Variants in UMAD1 observed in about 807,000 individuals in gnomAD.
UMAD1 encodes UBAP1-MVB12-associated (UMA)-domain containing protein 1.
Under a neutral mutation model 6.1 loss-of-function variants are expected in UMAD1, and 8 were observed. That is an observed-to-expected ratio of 1.30 (90% confidence interval 0.76 to 2.35). UMAD1 has a LOEUF of 2.35. Among genes scored for constraint, UMAD1 ranks in the 30% most tolerant of loss-of-function variants. UMAD1 has a pLI of 0.00. For synonymous variants in UMAD1, 56 were observed against 31.4 expected, an observed-to-expected ratio of 1.78 and a Z score of -2.61; for missense variants, 130 against 78.4, an observed-to-expected ratio of 1.66 and a Z score of -2.49.
intron 3 of UMAD1, among the ~76,000 whole-genome samples, chr7:7,817,111 G>T (rs1325021651): frequency 6.6e-6 from 1 of 152,192 alleles, no homozygotes; most frequent in Non-Finnish European, 1.5e-5. Context: ...CTTGAAGTTT[G>T]TGCAATTTCT....
chr7:7,778,265 T>A lies in UMAD1; in HGVS notation c.83-23405T>A, dbSNP rs1183708415. ...GTGTGTGTGTGTGTGTGTGTGTGTG[T>A]GTGTGTGTGTGAGAGAGAGAGAGAG... On this transcript the variant is annotated intron_variant, in intron 2 of 3. Coordinates refer to ENST00000682710, the MANE Select transcript of UMAD1 (RefSeq NM_001302348.2). 9.4e-3 allele frequency among the ~76,000 whole-genome samples: 1,022 copies of A among 109,226 alleles called. 5 individuals carry two copies. Among genetic ancestry groups the A allele is most frequent in the African/African-American group, 0.025 (810 of 31,912 alleles). 71.7% of individuals were successfully genotyped at this position (109,226 alleles called of 152,430 possible).
At chr7:7,726,904 AG>A (rs1448524842) in intron 2 of UMAD1, among the ~76,000 whole-genome samples, 6 of 152,198 alleles carry the variant, frequency 3.9e-5, no homozygotes, top group African/African-American at 1.4e-4. Context: ...AACAGAGATA[AG>A]GAAGAGTATG....
chr7:7,838,654 A>G (rs1301629084), intron 3 of UMAD1, among the ~76,000 whole-genome samples: 1 of 152,214 alleles, frequency 6.6e-6, no homozygotes, highest in East Asian at 1.9e-4. Flanking sequence ...GAATGATCAC[A>G]GTGCTATTCA....
chr7:7,770,355 A>G (rs1782076603), intron 2 of UMAD1, among the ~76,000 whole-genome samples: 1 of 152,118 alleles, frequency 6.6e-6, no homozygotes, highest in Admixed American at 6.5e-5. Flanking sequence ...TGCTCTGTTT[A>G]TCATTGACTC....
intron 2 of UMAD1, among the ~76,000 whole-genome samples, chr7:7,789,159 A>G (rs1435339186): frequency 6.6e-6 from 1 of 152,162 alleles, no homozygotes; most frequent in Admixed American, 6.5e-5. Context: ...TTCCTCTGAC[A>G]CTGGTTATTA....
chr7:7,872,730 A>G (rs1196201360), intron 3 of UMAD1, among the ~76,000 whole-genome samples: 1 of 152,222 alleles, frequency 6.6e-6, no homozygotes, highest in Admixed American at 6.5e-5. Flanking sequence ...ATGTATGCCT[A>G]TACCTCCACT....
At chr7:7,659,568 TA>T (rs1785425118) in intron 1 of UMAD1, among the ~76,000 whole-genome samples, 2 of 152,210 alleles carry the variant, frequency 1.3e-5, no homozygotes, top group African/African-American at 4.8e-5. Context: ...ATTTACCCAG[TA>T]GTCATACAGG....
chr7:7,700,668 A>T (rs1255396359), intron 2 of UMAD1, among the ~76,000 whole-genome samples: 3 of 152,230 alleles, frequency 2.0e-5, no homozygotes, highest in Admixed American at 2.0e-4. Context: ...TGAGCAGATC[A>T]CCCAAGGTCA....
intron 2 of UMAD1, among the ~76,000 whole-genome samples, chr7:7,759,129 C>T (rs1204362495): frequency 6.6e-6 from 1 of 152,138 alleles, no homozygotes; most frequent in African/African-American, 2.4e-5. Context: ...ATTAGTATAT[C>T]TCTTCAGTAG....
At chr7:7,863,230 T>A (rs567333755) in intron 3 of UMAD1, among the ~76,000 whole-genome samples, 1 of 152,208 alleles carries the variant, frequency 6.6e-6, no homozygotes, top group African/African-American at 2.4e-5. Flanking sequence ...TTAGTGGTGG[T>A]GTGATAGTCA....
At chr7:7,666,295 C>T (rs369577771) in intron 1 of UMAD1, among the ~76,000 whole-genome samples, 10 of 152,118 alleles carry the variant, frequency 6.6e-5, no homozygotes, top group African/African-American at 2.2e-4. Context: ...GCTCGACATC[C>T]TGGTCTCAAG....
At chr7:7,855,479 G>A (rs1480963331) in intron 3 of UMAD1, among the ~76,000 whole-genome samples, 1 of 152,244 alleles carries the variant, frequency 6.6e-6, no homozygotes, top group African/African-American at 2.4e-5. Flanking sequence ...CTTGGGGCTT[G>A]CACCCTCTGA....
At chr7:7,746,434 T>G (rs1181688705) in intron 2 of UMAD1, among the ~76,000 whole-genome samples, 1 of 152,226 alleles carries the variant, frequency 6.6e-6, no homozygotes, top group Non-Finnish European at 1.5e-5. Flanking sequence ...CTTTCTCTTA[T>G]CCCCAGCCTT....
At chr7:7,656,190 C>T (rs747454962) in intron 1 of UMAD1, among the ~76,000 whole-genome samples, 1 of 152,146 alleles carries the variant, frequency 6.6e-6, no homozygotes, top group South Asian at 2.1e-4. Context: ...CTTCTGTATA[C>T]ACCATTGTAA....
intron 3 of UMAD1, among the ~76,000 whole-genome samples, chr7:7,871,017 C>G (rs1187717909): frequency 6.6e-6 from 1 of 152,226 alleles, no homozygotes; most frequent in Non-Finnish European, 1.5e-5. Flanking sequence ...CACTTACCTT[C>G]ATGTCTGTTT....
At chr7:7,858,052 G>A (rs1454064614) in intron 3 of UMAD1, among the ~76,000 whole-genome samples, 1 of 152,172 alleles carries the variant, frequency 6.6e-6, no homozygotes, top group Non-Finnish European at 1.5e-5. Context: ...CTGTACTTCA[G>A]TATTCCCCAT....
rs1784458610 is a variant in UMAD1 at position 7,878,098 on chromosome 7, AC to A, written c.*562del. The A allele has an allele frequency of 6.5e-6, 1 of 154,200 alleles. No homozygotes were observed. The highest frequency in any genetic ancestry group is 1.4e-5 in the Non-Finnish European group (1 of 69,428). 9.6% of individuals were successfully genotyped at this position (154,200 alleles called of 1,614,324 possible). On this transcript the variant is annotated 3_prime_UTR_variant, in exon 4 of 4. Coordinates refer to ENST00000682710, the MANE Select transcript of UMAD1 (RefSeq NM_001302348.2). ...TAGTTTGCTGATACAAGGATGCTAG[AC>A]CTGCTCTGCGTGCTCTTTCTGGAGT...
At chr7:7,733,489 G>A (rs973638739) in intron 2 of UMAD1, among the ~76,000 whole-genome samples, 2 of 151,092 alleles carry the variant, frequency 1.3e-5, no homozygotes, top group Non-Finnish European at 2.9e-5. Flanking sequence ...GTGGTCCCTT[G>A]TTAGAATAGA....
intron 2 of UMAD1, among the ~76,000 whole-genome samples, chr7:7,760,364 GGC>G (rs1042450310): frequency 1.3e-5 from 2 of 150,244 alleles, no homozygotes; most frequent in Non-Finnish European, 3.0e-5. Context: ...TAACCATCCT[GGC>G]TAACACGGTG....
Sources: allele counts gnomAD v4.1 joint callset (sites outside exome capture counted in the v4.1 genomes callset), GRCh38; gene constraint gnomAD v4.1.1; transcripts MANE v1.5; gene names NCBI Gene and HGNC (gene_info 2026-07-23, HGNC 2026-07-21).